Variants in SETX observed in about 807,000 individuals in gnomAD.
SETX encodes helicase senataxin.
A neutral mutation model predicts 227.2 loss-of-function variants in SETX; 90 were observed. The observed-to-expected ratio is 0.40, with a 90% CI of 0.33 to 0.47. The LOEUF (loss-of-function observed/expected upper bound fraction) is 0.47, where lower values mean the gene tolerates loss of function less well. Ranked by LOEUF, SETX falls within the 20% of genes least tolerant of loss-of-function variation. The probability of loss-of-function intolerance (pLI) is 0.91; values close to 1 mark genes in which losing one functional copy is unlikely to be tolerated. For synonymous variants in SETX, 1,210 were observed against 1,113.2 expected, an observed-to-expected ratio of 1.09 and a Z score of -1.73; for missense variants, 3,052 against 3,181.5, an observed-to-expected ratio of 0.96 and a Z score of 0.98.
At chr9:132,340,665 AG>A (rs1847904214) in intron 5 of SETX, among the ~76,000 whole-genome samples, 1 of 152,216 alleles carries the variant, frequency 6.6e-6, no homozygotes, top group African/African-American at 2.4e-5. Context: ...TGGGGTTAAG[AG>A]GGGATGATAA....
intron 5 of SETX, among the ~76,000 whole-genome samples, chr9:132,342,240 C>T (rs1457672527): frequency 6.6e-6 from 1 of 152,188 alleles, no homozygotes; most frequent in Non-Finnish European, 1.5e-5. Context: ...TCTGTTCCTG[C>T]TCACTGTTCT....
chr9:132,355,267 C>T (rs1251245486), upstream of SETX, among the ~76,000 whole-genome samples: 1 of 152,104 alleles, frequency 6.6e-6, no homozygotes, highest in Admixed American at 6.5e-5. Context: ...GGGCTTCCTG[C>T]GGGTGGGGCG....
intron 10 of SETX, among the ~76,000 whole-genome samples, chr9:132,317,212 C>T (rs2131378264): frequency 6.6e-6 from 1 of 152,298 alleles, no homozygotes; most frequent in Middle Eastern, 3.4e-3. Flanking sequence ...GTGCTATCTT[C>T]TTCCATGTTT....
In SETX at chr9:132,288,587, T is replaced by C. The variant is rs769471222; in HGVS notation, c.6171A>G (p.Leu2057=). Reference sequence around the variant, plus strand: ...TTACTTGGCTGTCCAAACTGAACTTTAGAACCTCACTATTAATAGACTTTT... The same window carrying C: ...TTACTTGGCTGTCCAAACTGAACTTCAGAACCTCACTATTAATAGACTTTT... ...GPEKSINSEV[L]KFSLDSQVNH... is the part of the protein sequence containing the mutation. Residue 2057 remains leucine, a synonymous_variant, in exon 16 of 26, where the codon CTA becomes CTG. Coordinates refer to ENST00000224140, the MANE Select transcript of SETX (RefSeq NM_015046.7). The C allele has an allele frequency of 1.9e-5, 31 of 1,613,908 alleles. No homozygotes were observed. Among genetic ancestry groups the C allele is most frequent in the Non-Finnish European group, 2.5e-5 (30 of 1,179,874 alleles).
chr9:132,347,184 G>A (rs186718580), intron 3 of SETX, among the ~76,000 whole-genome samples: 15 of 151,664 alleles, frequency 9.9e-5, no homozygotes, highest in African/African-American at 2.2e-4. Flanking sequence ...CCCAGGAGGC[G>A]GAGGTTGCAG....
At chr9:132,319,938 C>T (rs1399765180) in intron 10 of SETX, among the ~76,000 whole-genome samples, 1 of 152,108 alleles carries the variant, frequency 6.6e-6, no homozygotes, top group East Asian at 1.9e-4. Context: ...ACAGGAGAGG[C>T]AACAGTAGAG....
At chr9:132,319,668 A>G (rs1318225065) in intron 10 of SETX, among the ~76,000 whole-genome samples, 4 of 152,166 alleles carry the variant, frequency 2.6e-5, no homozygotes, top group Admixed American at 1.3e-4. Context: ...CAGCCTCCCA[A>G]TATTGCCACT....
At chr9:132,346,560 G>T (rs1848304183) in intron 3 of SETX, 89 bp from the exon 4 acceptor site, 1 of 918,716 alleles carries the variant, frequency 1.1e-6, no homozygotes, top group Non-Finnish European at 1.7e-6. Context: ...CTTTTCCTAA[G>T]TACAAAAATT....
rs1554801389 is a variant in SETX, at chr9:132,264,453, T to C, written c.7820A>G (p.Glu2607Gly). ...AGCCTCGGGACTGGCAGCTGGAGGT[T>C]CGCCCCGCACGGGAGGTTTGTGGCT... ...LSSHKPPVRG[E>G]PPAASPEAST... Residue 2607 changes from glutamate (E) to glycine (G), a missense_variant, in exon 26 of 26, where the codon GAA becomes GGA. Transcript: ENST00000224140. 1.9e-6 allele frequency: 3 copies of C among 1,609,346 alleles called. No individual in the cohort carries two copies. The highest frequency in any genetic ancestry group is 1.7e-4 in the Middle Eastern group (1 of 6,042).
chr9:132,339,281 G>A (rs1036312314), intron 5 of SETX, among the ~76,000 whole-genome samples: 3 of 151,954 alleles, frequency 2.0e-5, no homozygotes, highest in East Asian at 3.9e-4. Context: ...CCAGGAGTTC[G>A]AACCCAGCCT....
chr9:132,303,375 G>A (rs1845136116), intron 11 of SETX, among the ~76,000 whole-genome samples: 1 of 141,162 alleles, frequency 7.1e-6, no homozygotes. Flanking sequence ...CCTTACATAT[G>A]TCATATATAA....
At chr9:132,354,856 C>T (rs1005945619) in intron 1 of SETX, 61 bp downstream of exon 1, 8 of 152,524 alleles carry the variant, frequency 5.2e-5, no homozygotes, top group African/African-American at 1.9e-4. Context: ...CCTGCAAGCA[C>T]AAGCCGCGCC....
chr9:132,356,059 G>T (rs1222218820), upstream of SETX, among the ~76,000 whole-genome samples: 2 of 151,870 alleles, frequency 1.3e-5, no homozygotes, highest in South Asian at 4.2e-4. Context: ...GCAGGGGGTG[G>T]ATATCCATTG....
chr9:132,330,519 G>C lies in SETX; in HGVS notation c.1099-20C>G. ...AGAATCCTAAAATGAAAGAAATGCT[G>C]ATGTTCAGATAAATAAGCACCACTT... On this transcript the variant is annotated intron_variant, in intron 9 of 25. Coordinates refer to ENST00000224140, the MANE Select transcript of SETX (RefSeq NM_015046.7). 1 of 1,599,654 alleles carries C rather than the reference G, an allele frequency of 6.3e-7. No homozygotes were observed. The highest frequency in any genetic ancestry group is 1.7e-5 in the Admixed American group (1 of 59,790).
At chr9:132,305,327 C>T (rs1328454207) in intron 11 of SETX, among the ~76,000 whole-genome samples, 2 of 130,842 alleles carry the variant, frequency 1.5e-5, no homozygotes, top group African/African-American at 6.2e-5. Flanking sequence ...GCACTCCCGC[C>T]TGGGTGACAG....
Position 132,281,466 on chromosome 9 carries a change from C to A in SETX, c.6654+1G>T. 1.2e-6 allele frequency: 2 copies of A among 1,608,980 alleles called. No individual in the cohort carries two copies. The highest frequency in any genetic ancestry group is 1.7e-6 in the Non-Finnish European group (2 of 1,175,384). On this transcript the variant is annotated splice_donor_variant, in intron 20 of 25. Transcript: ENST00000224140. LOFTEE classifies it high-confidence loss of function. Reference sequence around the variant, plus strand: ...AAGCAATCTGAACATAAAAAACTTACCATAGAGATGACTGTCGGAGGGAGC... The same window carrying A: ...AAGCAATCTGAACATAAAAAACTTAACATAGAGATGACTGTCGGAGGGAGC...
At chr9:132,333,397 AG>A (rs199625061) in intron 7 of SETX, among the ~76,000 whole-genome samples, 8,242 of 38,508 alleles carry the variant, frequency 0.21, 1,602 homozygotes, top group African/African-American at 0.34. Context: ...AAAAAAAAAA[AG>A]AAAAAAAAAA....
intron 5 of SETX, among the ~76,000 whole-genome samples, chr9:132,339,250 G>A (rs1847824302): frequency 6.6e-6 from 1 of 152,128 alleles, no homozygotes; most frequent in Admixed American, 6.6e-5. Context: ...TTGGGAGGCT[G>A]AGGTATGGGG....
At chr9:132,336,713 C>A (rs973827029) in intron 5 of SETX, among the ~76,000 whole-genome samples, 198 bp from the exon 6 acceptor site, 4 of 152,184 alleles carry the variant, frequency 2.6e-5, no homozygotes, top group African/African-American at 9.7e-5. Flanking sequence ...CATTTCCATT[C>A]ATTCAAACAC....
Sources: allele counts gnomAD v4.1 joint callset (sites outside exome capture counted in the v4.1 genomes callset), GRCh38; gene constraint gnomAD v4.1.1; transcripts MANE v1.5; gene names NCBI Gene and HGNC (gene_info 2026-07-23, HGNC 2026-07-21).